Variants in SLC20A1 observed in about 807,000 individuals in gnomAD.
SLC20A1 encodes solute carrier family 20 member 1, also known as sodium-dependent phosphate transporter 1.
A neutral mutation model predicts 62.7 loss-of-function variants in SLC20A1; 28 were observed. The observed-to-expected ratio is 0.45, with a 90% confidence interval of 0.33 to 0.61. The LOEUF (loss-of-function observed/expected upper bound fraction) is 0.61, where lower values mean the gene tolerates loss of function less well. SLC20A1 is among the 20% of genes least tolerant of loss of function. SLC20A1 has a pLI of 0.02. For missense variants in SLC20A1, 673 were observed against 838.6 expected, an observed-to-expected ratio of 0.80 and a Z score of 2.44; for synonymous variants, 305 against 302.9, an observed-to-expected ratio of 1.01 and a Z score of -0.07.
chr2:112,646,416 C>T (rs1574177090), intron 1 of SLC20A1, 147 bp from the exon 2 acceptor site: 1 of 152,242 alleles, frequency 6.6e-6, no homozygotes, highest in African/African-American at 2.4e-5. Context: ...AGCCACGTGC[C>T]TCTCCTTCTC....
chr2:112,646,248 C>A (rs1686270278), intron 1 of SLC20A1, 119 bp downstream of exon 1: 1 of 152,080 alleles, frequency 6.6e-6, no homozygotes, highest in African/African-American at 2.4e-5. Flanking sequence ...TCGCCGCTGG[C>A]CGCCTCCACT....
chr2:112,661,494 T>G (rs1686747292), intron 10 of SLC20A1, among the ~76,000 whole-genome samples: 1 of 140,918 alleles, frequency 7.1e-6, no homozygotes, highest in Admixed American at 7.4e-5. Context: ...TTGTAGTCTC[T>G]TTATAATAAT....
intron 5 of SLC20A1, 38 bp downstream of exon 5, chr2:112,652,836 G>C: frequency 6.2e-7 from 1 of 1,609,804 alleles, no homozygotes. Flanking sequence ...TGAATTTAAA[G>C]TTGTTTACAA....
chr2:112,662,783 T>C (rs1353563649), intron 10 of SLC20A1, 81 bp from the exon 11 acceptor site: 15 of 1,449,810 alleles, frequency 1.0e-5, no homozygotes, highest in Non-Finnish European at 1.4e-5. Context: ...GGGCTCCTTG[T>C]CCAAACAGTC....
At chr2:112,661,463 T>G (rs1346391203) in intron 10 of SLC20A1, among the ~76,000 whole-genome samples, 1 of 152,182 alleles carries the variant, frequency 6.6e-6, no homozygotes, top group Non-Finnish European at 1.5e-5. Flanking sequence ...ACCTCTTCCT[T>G]TGTTACTTTA....
chr2:112,650,702 C>T (rs1358333490), intron 4 of SLC20A1, among the ~76,000 whole-genome samples: 1 of 151,998 alleles, frequency 6.6e-6, no homozygotes. Context: ...TAGCTCACTG[C>T]AGCCTTGACC....
At chr2:112,648,782 C>T (rs1686351380) in intron 4 of SLC20A1, among the ~76,000 whole-genome samples, 1 of 152,204 alleles carries the variant, frequency 6.6e-6, no homozygotes, top group Non-Finnish European at 1.5e-5. Flanking sequence ...TATTTATGGA[C>T]TCCTAAGTTT....
intron 4 of SLC20A1, among the ~76,000 whole-genome samples, chr2:112,651,358 TA>T (rs1182079005): frequency 6.6e-6 from 1 of 152,202 alleles, no homozygotes; most frequent in Non-Finnish European, 1.5e-5. Context: ...CTAAGGTCTT[TA>T]TAAAGTTTTT....
Position 112,647,712 on chromosome 2 carries a change from C to G in SLC20A1, c.535C>G (p.Leu179Val). Reference sequence around the variant, plus strand: ...AATTATGTCTGGAATTTTATTCTTCCTGGTTCGTGCATTCATCCTCCATAA... The same window carrying G: ...AATTATGTCTGGAATTTTATTCTTCGTGGTTCGTGCATTCATCCTCCATAA... ...SGIMSGILFF[L>V]VRAFILHKAD... Residue 179 changes from leucine to valine, a missense_variant, in exon 4 of 11, where the codon CTG becomes GTG. Transcript: ENST00000272542. 2 of 1,613,992 alleles carry G rather than the reference C, an allele frequency of 1.2e-6. No individual in the cohort carries two copies. The highest frequency in any genetic ancestry group is 1.7e-6 in the Non-Finnish European group (2 of 1,179,940).
chr2:112,659,363 G>A lies in SLC20A1; in HGVS notation c.1208G>A (p.Cys403Tyr). 6.2e-7 allele frequency: 1 copy of A among 1,614,194 alleles called. No homozygotes were observed. The highest frequency in any genetic ancestry group is 2.2e-5 in the East Asian group (1 of 44,884). Reference sequence around the variant, plus strand: ...TTACATCTTGCCAAGGTGGGAGATTGCATGGGAGACTCCGGTGACAAACCC... The same window carrying A: ...TTACATCTTGCCAAGGTGGGAGATTACATGGGAGACTCCGGTGACAAACCC... ...HKLHLAKVGD[C>Y]MGDSGDKPLR... is the part of the protein sequence containing the mutation. The change falls in exon 8 of 11, where the codon TGC (cysteine) becomes TAC (tyrosine). Residue 403 changes from cysteine (C) to tyrosine (Y), a missense_variant. Coordinates refer to ENST00000272542, the MANE Select transcript of SLC20A1 (RefSeq NM_005415.5).
In SLC20A1 at chr2:112,646,987, C is replaced by G; in HGVS notation, c.159C>G (p.Gly53=). The G allele has an allele frequency of 6.2e-7, 1 of 1,614,110 alleles. No homozygotes were observed. Among genetic ancestry groups the G allele is most frequent in the Non-Finnish European group, 8.5e-7 (1 of 1,180,040 alleles). The change falls in exon 2 of 11, where the codon GGC becomes GGG. Residue 53 remains glycine, a synonymous_variant. Coordinates refer to ENST00000272542, the MANE Select transcript of SLC20A1 (RefSeq NM_005415.5). ...CAAATTCTTTTGGTACAGCTGTGGG[C>G]TCAGGTGTAGTGACCCTGAAGCAAG... is the stretch of plus-strand genomic sequence containing the variant. ...DVANSFGTAV[G]SGVVTLKQAC...
At chr2:112,651,175 A>G (rs1018480737) in intron 4 of SLC20A1, among the ~76,000 whole-genome samples, 1 of 152,174 alleles carries the variant, frequency 6.6e-6, no homozygotes, top group Non-Finnish European at 1.5e-5. Context: ...CTAATTTGAA[A>G]TGGTACCTTT....
intron 5 of SLC20A1, among the ~76,000 whole-genome samples, chr2:112,653,974 T>C (rs1306939144): frequency 1.3e-5 from 2 of 152,068 alleles, no homozygotes; most frequent in African/African-American, 2.4e-5. Context: ...GTATTTTTAG[T>C]AGAGACGGGG....
rs1199250227 is a variant in SLC20A1 at position 112,646,819 on chromosome 2, ACTC to A, written c.-8_-6del. 5 of 1,598,210 alleles carry A rather than the reference ACTC, an allele frequency of 3.1e-6. No individual in the cohort carries two copies. Among genetic ancestry groups the A allele is most frequent in the South Asian group, 1.1e-5 (1 of 90,222 alleles). ...GTAGTTCTCTTACTAAACAACCACTACTCCAGAGAATGGCAACGCTGATTACCA... is the reference window on the plus strand; with the variant it reads ...GTAGTTCTCTTACTAAACAACCACTACAGAGAATGGCAACGCTGATTACCA... On this transcript the variant is annotated 5_prime_UTR_variant, in exon 2 of 11. Transcript: ENST00000272542.
chr2:112,649,856 T>G (rs1686387762), intron 4 of SLC20A1, among the ~76,000 whole-genome samples: 1 of 152,158 alleles, frequency 6.6e-6, no homozygotes, highest in Non-Finnish European at 1.5e-5. Flanking sequence ...ACTATTCTGG[T>G]GAAGATGGGG....
At position 112,655,889 on chromosome 2, in the gene SLC20A1, CGG is replaced by C. The variant is rs1304579932; in HGVS notation, c.659-1230_659-1229del. Among the ~76,000 whole-genome samples, 84 of 151,758 alleles carry C rather than the reference CGG, an allele frequency of 5.5e-4. 1 individual carries two copies. The highest frequency in any genetic ancestry group is 5.5e-3 in the Admixed American group (84 of 15,236). ...TGATTTTTTTAATTTTCAGTGGAGA[CGG>C]GGTTTCACCATGTTGGCCAGGCTGG... On this transcript the variant is annotated intron_variant, in intron 5 of 10. Transcript: ENST00000272542.
At position 112,663,282 on chromosome 2, in the gene SLC20A1, C is replaced by A. The variant is rs147106078; in HGVS notation, c.*257C>A. On this transcript the variant is annotated 3_prime_UTR_variant, in exon 11 of 11. Transcript: ENST00000272542. ...TCCTTCTGGGCTGTGAATTCCTGTA[C>A]ATATTTCTCTACTTTTTGTATCAGG... 290 of 513,918 alleles carry A rather than the reference C, an allele frequency of 5.6e-4. No homozygotes were observed. Among genetic ancestry groups the A allele is most frequent in the African/African-American group, 5.2e-3 (265 of 51,142 alleles). 31.8% of individuals were successfully genotyped at this position (513,918 alleles called of 1,614,324 possible).
At chr2:112,646,292 G>C (rs1279217154) in intron 1 of SLC20A1, among the ~76,000 whole-genome samples, 163 bp downstream of exon 1, 1 of 151,916 alleles carries the variant, frequency 6.6e-6, no homozygotes, top group African/African-American at 2.4e-5. Flanking sequence ...CCTTTTTGGC[G>C]GTCCCCGGGC....
chr2:112,656,431 C>T (rs1050903703), intron 5 of SLC20A1, among the ~76,000 whole-genome samples: 1 of 151,924 alleles, frequency 6.6e-6, no homozygotes, highest in Non-Finnish European at 1.5e-5. Context: ...GAACTCCTGA[C>T]CTCAAGTGAT....
Sources: gnomAD v4.1 joint callset for allele counts (sites outside exome capture counted in the v4.1 genomes callset) on GRCh38, gnomAD v4.1.1 for gene constraint, MANE v1.5 for transcripts, NCBI Gene and HGNC (gene_info 2026-07-23, HGNC 2026-07-21) for gene names.